CCSER1: variants seen among roughly 807,000 people sequenced by gnomAD.
CCSER1 encodes serine-rich coiled-coil domain-containing protein 1.
A neutral mutation model predicts 82.0 loss-of-function variants in CCSER1; 41 were observed. The observed-to-expected ratio is 0.50, with a 90% confidence interval of 0.39 to 0.65. CCSER1 has a LOEUF of 0.65. Among genes scored for constraint, CCSER1 ranks in the 30% least tolerant of loss-of-function variants. The pLI is 0.00. For synonymous variants in CCSER1, 414 were observed against 383.9 expected, an observed-to-expected ratio of 1.08 and a Z score of -0.92; for missense variants, 1,119 against 1,064.2, an observed-to-expected ratio of 1.05 and a Z score of -0.72.
Position 90,140,240 on chromosome 4 carries a change from C to T in CCSER1, c.-42+12409C>T, listed in dbSNP as rs188351645. The stretch of plus-strand genomic sequence containing the variant: ...ACCCTTTCAAGAGTTAGCATGTGTG[C>T]GCAAAATTTAGGTGTTTTGTAGTGA... On this transcript the variant is annotated intron_variant, in intron 1 of 10. Transcript: ENST00000509176. Among the ~76,000 whole-genome samples, 253 of 152,116 alleles carry T rather than the reference C, an allele frequency of 1.7e-3. 2 individuals are homozygous for T. Among genetic ancestry groups the T allele is most frequent in the African/African-American group, 5.4e-3 (224 of 41,506 alleles).
chr4:90,859,487 A>T (rs1438542813), intron 8 of CCSER1, among the ~76,000 whole-genome samples: 2 of 151,798 alleles, frequency 1.3e-5, no homozygotes, highest in Non-Finnish European at 3.0e-5. Flanking sequence ...ATTCTGGCTT[A>T]TGTAATTACC....
At chr4:91,397,466 C>T (rs898512276) in intron 10 of CCSER1, among the ~76,000 whole-genome samples, 1 of 152,044 alleles carries the variant, frequency 6.6e-6, no homozygotes, top group African/African-American at 2.4e-5. Context: ...CCCATGCATT[C>T]TTTATGTTTT....
intron 10 of CCSER1, among the ~76,000 whole-genome samples, chr4:91,492,689 A>C (rs1758612150): frequency 6.6e-6 from 1 of 152,082 alleles, no homozygotes; most frequent in Non-Finnish European, 1.5e-5. Context: ...GGATTTACAG[A>C]GAATCCTCGG....
chr4:90,733,557 G>T (rs1164377801), intron 7 of CCSER1, among the ~76,000 whole-genome samples: 3 of 152,030 alleles, frequency 2.0e-5, no homozygotes, highest in Non-Finnish European at 2.9e-5. Context: ...ATCCAATTTT[G>T]CTTTGGTTGA....
At chr4:90,488,246 A>C (rs1443894044) in intron 5 of CCSER1, among the ~76,000 whole-genome samples, 1 of 152,120 alleles carries the variant, frequency 6.6e-6, no homozygotes, top group Non-Finnish European at 1.5e-5. Context: ...CAGTGGCGTG[A>C]TCTCAGCACA....
At chr4:90,266,675 G>A (rs1725288245) in intron 1 of CCSER1, among the ~76,000 whole-genome samples, 1 of 152,054 alleles carries the variant, frequency 6.6e-6, no homozygotes, top group Admixed American at 6.6e-5. Context: ...GAGGGAGAGT[G>A]AGCAATCAGG....
chr4:90,325,026 C>T, intron 3 of CCSER1, among the ~76,000 whole-genome samples: 1 of 152,252 alleles, frequency 6.6e-6, no homozygotes, highest in South Asian at 2.1e-4. Context: ...TTCCATTGAT[C>T]TATATCTCTG....
intron 3 of CCSER1, among the ~76,000 whole-genome samples, chr4:90,327,933 CTCTT>C (rs893704384): frequency 2.0e-5 from 3 of 152,138 alleles, no homozygotes; most frequent in African/African-American, 4.8e-5. Context: ...CGCACTTACT[CTCTT>C]TCTTTCACAG....
intron 10 of CCSER1, among the ~76,000 whole-genome samples, chr4:91,143,375 C>G (rs1422606415): frequency 2.6e-5 from 4 of 151,696 alleles, no homozygotes; most frequent in African/African-American, 7.3e-5. Context: ...CTCTGGGTAC[C>G]TTTTGGCAGA....
chr4:90,967,427 C>T (rs990560164), intron 9 of CCSER1, among the ~76,000 whole-genome samples: 8 of 151,534 alleles, frequency 5.3e-5, no homozygotes, highest in African/African-American at 1.7e-4. Flanking sequence ...CCAGCCTGGG[C>T]GACAGAGCAA....
chr4:91,472,116 G>A (rs565793838), intron 10 of CCSER1, among the ~76,000 whole-genome samples: 37 of 151,852 alleles, frequency 2.4e-4, no homozygotes, highest in African/African-American at 8.5e-4. Context: ...TTTTTTAAAT[G>A]ACTTAGAGCT....
intron 1 of CCSER1, among the ~76,000 whole-genome samples, chr4:90,163,685 G>T (rs975351702): frequency 6.6e-6 from 1 of 151,956 alleles, no homozygotes; most frequent in African/African-American, 2.4e-5. Flanking sequence ...TCTGAGATAG[G>T]AGATTAACTT....
chr4:90,293,699 G>T (rs1230733462), intron 1 of CCSER1, among the ~76,000 whole-genome samples: 2 of 151,046 alleles, frequency 1.3e-5, no homozygotes, highest in Admixed American at 1.3e-4. Flanking sequence ...AAAAATTTAA[G>T]GCAAATCCAG....
At chr4:91,257,978 C>T (rs1740827774) in intron 10 of CCSER1, among the ~76,000 whole-genome samples, 2 of 152,188 alleles carry the variant, frequency 1.3e-5, no homozygotes, top group South Asian at 4.1e-4. Context: ...TTAACGACTT[C>T]ACTTTAGTAA....
rs575852595 is a variant in CCSER1 at position 90,220,670 on chromosome 4, C to T, written c.-41-87574C>T. Among the ~76,000 whole-genome samples the T allele has an allele frequency of 3.3e-5, 5 of 152,250 alleles. No homozygotes were observed. In the East Asian group the frequency reaches 5.8e-4, roughly 18 times the overall value. On this transcript the variant is annotated intron_variant, in intron 1 of 10. Coordinates refer to ENST00000509176, the MANE Select transcript of CCSER1 (RefSeq NM_001145065.2). ...TCTCCTGGCCAATCTTGTGCATTTG[C>T]GACAGCAATGACATTGATGAATCGC... is the stretch of plus-strand genomic sequence containing the variant.
At chr4:90,228,580 G>A (rs547616310) in intron 1 of CCSER1, among the ~76,000 whole-genome samples, 2 of 152,146 alleles carry the variant, frequency 1.3e-5, no homozygotes, top group African/African-American at 2.4e-5. Flanking sequence ...TCCTCCAAAG[G>A]AACATAATTC....
intron 5 of CCSER1, among the ~76,000 whole-genome samples, chr4:90,627,813 T>C (rs1023754380): frequency 2.6e-5 from 4 of 152,012 alleles, no homozygotes; most frequent in Non-Finnish European, 5.9e-5. Flanking sequence ...ACCCCATCTC[T>C]ACTAAGAATA....
At chr4:91,201,675 T>C (rs182877616) in intron 10 of CCSER1, among the ~76,000 whole-genome samples, 232 of 152,204 alleles carry the variant, frequency 1.5e-3, no homozygotes, top group African/African-American at 5.5e-3. Context: ...GGATTACAGA[T>C]GTGATTACGT....
intron 8 of CCSER1, among the ~76,000 whole-genome samples, chr4:90,882,850 T>A (rs1158640288): frequency 6.6e-6 from 1 of 152,066 alleles, no homozygotes; most frequent in Non-Finnish European, 1.5e-5. Flanking sequence ...GTAAATTAAA[T>A]CTAGTGATGA....
Sources: gnomAD v4.1 joint callset for allele counts (sites outside exome capture counted in the v4.1 genomes callset) on GRCh38, gnomAD v4.1.1 for gene constraint, MANE v1.5 for transcripts, NCBI Gene and HGNC (gene_info 2026-07-23, HGNC 2026-07-21) for gene names.